The following ARRB1 variants were observed in gnomAD, a reference collection of about 807,000 sequenced individuals.
ARRB1 encodes beta-arrestin-1.
A neutral mutation model predicts 56.8 loss-of-function variants in ARRB1; 21 were observed. That is an observed-to-expected ratio of 0.37 (90% CI 0.26 to 0.53). ARRB1 has a LOEUF of 0.53. Ranked by LOEUF, ARRB1 falls within the 20% of genes least tolerant of loss-of-function variation. The pLI is 0.88. For missense variants in ARRB1, 424 were observed against 553.7 expected (o/e 0.77, Z 2.35); for synonymous variants, 210 against 218.6 (o/e 0.96, Z 0.35).
At chr11:75,325,110 C>A (rs192752608) in intron 1 of ARRB1, among the ~76,000 whole-genome samples, 47 of 152,254 alleles carry the variant, frequency 3.1e-4, no homozygotes, top group African/African-American at 1.1e-3. Flanking sequence ...GCAGGGGTGA[C>A]AACTGAGGCT....
intron 2 of ARRB1, among the ~76,000 whole-genome samples, chr11:75,288,554 T>C (rs1221282823): frequency 6.6e-6 from 1 of 151,902 alleles, no homozygotes; most frequent in Non-Finnish European, 1.5e-5. Context: ...CCCTTGCTGC[T>C]CACTCGCTGA....
chr11:75,291,130 AG>A (rs1946603472), intron 1 of ARRB1, among the ~76,000 whole-genome samples: 1 of 152,100 alleles, frequency 6.6e-6, no homozygotes, highest in South Asian at 2.1e-4. Flanking sequence ...GGAGGTCAGG[AG>A]TTCAAGACCA....
intron 1 of ARRB1, among the ~76,000 whole-genome samples, chr11:75,334,230 G>A (rs1357888772): frequency 1.4e-5 from 2 of 146,498 alleles, no homozygotes; most frequent in African/African-American, 2.5e-5. Flanking sequence ...CTCAAGGCAG[G>A]AGAGTTGCTT....
At chr11:75,345,926 C>T (rs1014728221) in intron 1 of ARRB1, among the ~76,000 whole-genome samples, 3 of 152,160 alleles carry the variant, frequency 2.0e-5, no homozygotes, top group Admixed American at 1.3e-4. Flanking sequence ...GCAGACCCAG[C>T]GTGGGTAAGG....
At chr11:75,284,979 G>A (rs1193247880) in intron 3 of ARRB1, among the ~76,000 whole-genome samples, 1 of 152,174 alleles carries the variant, frequency 6.6e-6, no homozygotes, top group Admixed American at 6.5e-5. Flanking sequence ...TGCAAGATCT[G>A]TACCTTATTA....
intron 1 of ARRB1, among the ~76,000 whole-genome samples, chr11:75,335,797 G>A (rs944100316): frequency 6.6e-6 from 1 of 152,154 alleles, no homozygotes; most frequent in Non-Finnish European, 1.5e-5. Context: ...CATTTGTAGG[G>A]TATGATACAG....
intron 1 of ARRB1, among the ~76,000 whole-genome samples, chr11:75,350,861 G>A (rs890547394): frequency 6.6e-6 from 1 of 152,242 alleles, no homozygotes; most frequent in African/African-American, 2.4e-5. Context: ...TGAAGCGTGT[G>A]TGTCAGCGGG....
chr11:75,323,615 C>T (rs1273269572), intron 1 of ARRB1, among the ~76,000 whole-genome samples: 2 of 151,914 alleles, frequency 1.3e-5, no homozygotes, highest in Admixed American at 6.6e-5. Context: ...AGCAAGACTC[C>T]GTCTCAAAAC....
chr11:75,337,787 T>C (rs986572046), intron 1 of ARRB1, among the ~76,000 whole-genome samples: 5 of 4,406 alleles, frequency 1.1e-3, no homozygotes, highest in Non-Finnish European at 1.7e-3. Context: ...TTGAAATGTC[T>C]TTTTTTTTTT....
intron 1 of ARRB1, among the ~76,000 whole-genome samples, chr11:75,317,702 G>A (rs1947285974): frequency 6.6e-6 from 1 of 152,194 alleles, no homozygotes; most frequent in South Asian, 2.1e-4. Flanking sequence ...CAGCCTCAGA[G>A]TCACTCCACA....
chr11:75,314,931 A>C (rs1319924394), intron 1 of ARRB1, among the ~76,000 whole-genome samples: 1 of 152,148 alleles, frequency 6.6e-6, no homozygotes, highest in South Asian at 2.1e-4. Flanking sequence ...TCACTGATGC[A>C]TGTGGAGCAC....
At chr11:75,280,562 C>T (rs941356708) in intron 7 of ARRB1, among the ~76,000 whole-genome samples, 1 of 152,208 alleles carries the variant, frequency 6.6e-6, no homozygotes, top group African/African-American at 2.4e-5. Flanking sequence ...TGTTCTTCTC[C>T]AGAGAACGCT....
intron 1 of ARRB1, among the ~76,000 whole-genome samples, chr11:75,332,005 A>T (rs541760381): frequency 1.0e-3 from 153 of 151,670 alleles, no homozygotes; most frequent in African/African-American, 3.6e-3. Context: ...CTCCTGGACA[A>T]TAAGTCTCCG....
intron 7 of ARRB1, 140 bp from the exon 8 acceptor site, chr11:75,278,884 C>G: frequency 8.2e-7 from 1 of 1,223,604 alleles, no homozygotes; most frequent in Non-Finnish European, 1.1e-6. Context: ...CTGCAGAGAT[C>G]AGCATAGGGG....
chr11:75,272,814 G>A (rs1946100158), intron 12 of ARRB1, 81 bp downstream of exon 12: 2 of 1,396,218 alleles, frequency 1.4e-6, no homozygotes, highest in African/African-American at 2.8e-5. Context: ...CTGCAAACAG[G>A]CAGAATGGGG....
rs776467221 is a variant in ARRB1, at chr11:75,260,981, G to A, written c.*5182C>T. The A allele has an allele frequency of 8.5e-5, 13 of 152,368 alleles. No individual in the cohort carries two copies. Among genetic ancestry groups the A allele is most frequent in the Non-Finnish European group, 1.8e-4 (12 of 68,188 alleles). 9.4% of individuals were successfully genotyped at this position (152,368 alleles called of 1,614,324 possible). A position where few individuals can be genotyped will look rare whatever the true frequency, so the allele number is the denominator to read the frequency against. ...GCTGTGTCCCTTGGGCCTAGGCCAG[G>A]AAAGTGGGGTGCCAGATAGGGGTGC... On this transcript the variant is annotated 3_prime_UTR_variant, in exon 16 of 16. Transcript: ENST00000420843.
At chr11:75,308,905 T>G (rs956917871) in intron 1 of ARRB1, among the ~76,000 whole-genome samples, 25 of 152,226 alleles carry the variant, frequency 1.6e-4, no homozygotes, top group African/African-American at 5.5e-4. Context: ...CAGTGATTAT[T>G]TTAAGACATA....
chr11:75,318,716 C>T (rs1306131755), intron 1 of ARRB1, among the ~76,000 whole-genome samples: 4 of 151,966 alleles, frequency 2.6e-5, no homozygotes, highest in Non-Finnish European at 4.4e-5. Context: ...AGAGATCCTC[C>T]CGCCTCAGCC....
At chr11:75,335,143 C>T (rs766358836) in intron 1 of ARRB1, 1 of 257,314 alleles carries the variant, frequency 3.9e-6, no homozygotes, top group South Asian at 3.8e-5. Flanking sequence ...TGAGCACCAC[C>T]CGCCTTCACA....
Sources: gnomAD v4.1 joint callset for allele counts (sites outside exome capture counted in the v4.1 genomes callset) on GRCh38, gnomAD v4.1.1 for gene constraint, MANE v1.5 for transcripts, NCBI Gene and HGNC (gene_info 2026-07-23, HGNC 2026-07-21) for gene names.